PIGN: variants seen among roughly 807,000 people sequenced by gnomAD.
The protein encoded by PIGN is phosphatidylinositol glycan anchor biosynthesis class N.
In PIGN, 117 loss-of-function variants were observed where a neutral mutation model predicts 125.4. That is an observed-to-expected ratio of 0.93 (90% CI 0.80 to 1.09). The LOEUF (loss-of-function observed/expected upper bound fraction) is 1.09. Ranked by LOEUF, PIGN falls within the 50% of genes least tolerant of loss-of-function variation. The pLI, the probability that PIGN is intolerant of heterozygous loss-of-function variation, is 0.00. For synonymous variants in PIGN, 392 were observed against 377.8 expected (o/e 1.04, Z -0.44); for missense variants, 1,075 against 1,094.9 (o/e 0.98, Z 0.26).
At chr18:62,086,490 G>A (rs370506689) in intron 25 of PIGN, among the ~76,000 whole-genome samples, 3 of 152,038 alleles carry the variant, frequency 2.0e-5, no homozygotes, top group South Asian at 2.1e-4. Context: ...GGTGGTGCAC[G>A]CCTATAGTCC....
intron 1 of PIGN, among the ~76,000 whole-genome samples, chr18:62,170,229 T>C (rs184599919): frequency 3.3e-5 from 5 of 152,332 alleles, no homozygotes; most frequent in Admixed American, 3.3e-4. Context: ...GTTCTTAATA[T>C]ATTCTAGATG....
At chr18:62,028,076 G>C (rs2030147658) in intron 23 of PIGN, among the ~76,000 whole-genome samples, 1 of 152,142 alleles carries the variant, frequency 6.6e-6, no homozygotes, top group Non-Finnish European at 1.5e-5. Context: ...GCAAGCACTG[G>C]GTTCCACAAT....
Position 62,042,688 on chromosome 18 carries a change from G to C in PIGN, c.*3168C>G, listed in dbSNP as rs1266289324. 1.3e-5 allele frequency: 2 copies of C among 150,954 alleles called. No individual in the cohort carries two copies. The highest frequency in any genetic ancestry group is 4.9e-5 in the African/African-American group (2 of 41,062). The allele number at this position is 150,954 out of a possible 1,614,324, so 9.4% of individuals were successfully genotyped here. A position where few individuals can be genotyped will look rare whatever the true frequency, so the allele number is the denominator to read the frequency against. The stretch of plus-strand genomic sequence containing the variant: ...TTTTTAAATAACAAAGCATCATAAA[G>C]AAATCCCAGTCAAAAAAAAATGCTG... On this transcript the variant is annotated 3_prime_UTR_variant, in exon 31 of 31. Transcript: ENST00000640252.
chr18:62,113,080 T>A (rs1258859510), intron 16 of PIGN, 54 bp downstream of exon 16: 1 of 1,324,330 alleles, frequency 7.6e-7, no homozygotes, highest in African/African-American at 1.4e-5. Context: ...TACACTGGAT[T>A]CAGTACTAGT....
At chr18:62,074,603 G>T (rs776625155) in intron 29 of PIGN, among the ~76,000 whole-genome samples, 176 bp downstream of exon 29, 27 of 152,164 alleles carry the variant, frequency 1.8e-4, no homozygotes, top group Non-Finnish European at 3.4e-4. Flanking sequence ...ACCTGAAGAA[G>T]AGCACACATC....
chr18:62,020,261 G>A (rs1250651946), intron 23 of PIGN, among the ~76,000 whole-genome samples: 1 of 152,156 alleles, frequency 6.6e-6, no homozygotes, highest in Non-Finnish European at 1.5e-5. Flanking sequence ...ACCAACACTG[G>A]GAACTACCAA....
At chr18:62,180,426 GACTGGC>G (rs2147969410) in intron 1 of PIGN, among the ~76,000 whole-genome samples, 1 of 152,242 alleles carries the variant, frequency 6.6e-6, no homozygotes, top group African/African-American at 2.4e-5. Flanking sequence ...CTTTACAAGT[GACTGGC>G]AAAGTGTCCA....
chr18:62,080,873 C>G (rs2033416545), intron 28 of PIGN, among the ~76,000 whole-genome samples: 1 of 152,078 alleles, frequency 6.6e-6, no homozygotes, highest in Non-Finnish European at 1.5e-5. Context: ...GATAAACTAT[C>G]AGGTAATCTT....
chr18:62,123,536 T>A (rs1361874636), intron 14 of PIGN: 1 of 152,160 alleles, frequency 6.6e-6, no homozygotes, highest in East Asian at 1.9e-4. Context: ...ATCAGGATGA[T>A]TTTTCTTCCT....
At chr18:62,080,588 C>CT (rs1219679159) in intron 28 of PIGN, among the ~76,000 whole-genome samples, 1 of 152,192 alleles carries the variant, frequency 6.6e-6, no homozygotes, top group Non-Finnish European at 1.5e-5. Flanking sequence ...ATCTCCTTGC[C>CT]TTTTTCCTCA....
At chr18:62,024,404 G>A (rs999854615) in intron 23 of PIGN, among the ~76,000 whole-genome samples, 1 of 152,146 alleles carries the variant, frequency 6.6e-6, no homozygotes, top group African/African-American at 2.4e-5. Flanking sequence ...GGGCTTCACC[G>A]ATTTCCTCTA....
chr18:62,098,879 C>T, intron 22 of PIGN, among the ~76,000 whole-genome samples: 1 of 152,000 alleles, frequency 6.6e-6, no homozygotes, highest in East Asian at 1.9e-4. Flanking sequence ...CATTCCAAAA[C>T]AATAATCAAA....
downstream of PIGN, among the ~76,000 whole-genome samples, chr18:62,040,491 C>T (rs2030339841): frequency 6.6e-6 from 1 of 152,160 alleles, no homozygotes; most frequent in Admixed American, 6.5e-5. Context: ...TTTATGAGCA[C>T]TGGGGAGGAA....
chr18:62,051,612 C>T lies in PIGN; in HGVS notation c.2673-5633G>A, dbSNP rs548702609. ...TCTCTTTTCTTCTTTATTAGTCTTGCTAGTGGTCTATCAATTTTGTTGATC... is the reference window on the plus strand; with the variant it reads ...TCTCTTTTCTTCTTTATTAGTCTTGTTAGTGGTCTATCAATTTTGTTGATC... On this transcript the variant is annotated intron_variant, in intron 30 of 30. Coordinates refer to ENST00000640252, the MANE Select transcript of PIGN (RefSeq NM_176787.5). Among the ~76,000 whole-genome samples the T allele has an allele frequency of 2.5e-3, 386 of 152,118 alleles. 2 individuals carry two copies. The highest frequency in any genetic ancestry group is 8.7e-3 in the African/African-American group (361 of 41,514).
rs906453065 is a variant in PIGN at position 62,115,667 on chromosome 18, A to AG, written c.1173-1029dup. ...TTTAAGCAGTAATTATTAATTTGGG[A>AG]GGGGGGAGGGTCAGAGACTTCTTTC... is the stretch of plus-strand genomic sequence containing the variant. On this transcript the variant is annotated intron_variant, in intron 14 of 30. Coordinates refer to ENST00000640252, the MANE Select transcript of PIGN (RefSeq NM_176787.5). 6.6e-5 allele frequency among the ~76,000 whole-genome samples: 5 copies of AG among 75,324 alleles called. No homozygotes were observed. The Admixed American group carries it at 7.2e-4, about 11-fold the overall frequency. 49.4% of individuals were successfully genotyped at this position (75,324 alleles called of 152,430 possible).
intron 10 of PIGN, 132 bp from the exon 11 acceptor site, chr18:62,143,478 T>C (rs2036209948): frequency 1.8e-6 from 1 of 559,904 alleles, no homozygotes; most frequent in African/African-American, 2.0e-5. Context: ...CAAGTATGAA[T>C]AAAAATCATG....
intron 1 of PIGN, among the ~76,000 whole-genome samples, chr18:62,172,850 T>C (rs2037386899): frequency 6.6e-6 from 1 of 152,082 alleles, no homozygotes; most frequent in Non-Finnish European, 1.5e-5. Flanking sequence ...ATAATAAGAG[T>C]GGATTCTAGT....
rs78345593 is a variant in PIGN, at chr18:62,128,839, T to A, written c.1172+9404A>T. On this transcript the variant is annotated intron_variant, in intron 14 of 30. Transcript: ENST00000640252. Reference sequence around the variant, plus strand: ...TACATTTTCTTTAATATATTTAACATGAAAAATGTAAGGCAAAAATAAACT... The same window carrying A: ...TACATTTTCTTTAATATATTTAACAAGAAAAATGTAAGGCAAAAATAAACT... 9.6e-3 allele frequency among the ~76,000 whole-genome samples: 1,465 copies of A among 152,228 alleles called. 46 individuals are homozygous for A. The highest frequency in any genetic ancestry group is 0.068 in the East Asian group (355 of 5,188).
intron 23 of PIGN, among the ~76,000 whole-genome samples, chr18:62,031,935 C>T (rs908374988): frequency 3.9e-5 from 6 of 152,142 alleles, no homozygotes; most frequent in African/African-American, 1.4e-4. Flanking sequence ...GAGTGCTGCT[C>T]CCTCTTAAGG....
Sources: gnomAD v4.1 joint callset for allele counts (sites outside exome capture counted in the v4.1 genomes callset) on GRCh38, gnomAD v4.1.1 for gene constraint, MANE v1.5 for transcripts, NCBI Gene and HGNC (gene_info 2026-07-23, HGNC 2026-07-21) for gene names.